PTCD1: variants seen among roughly 807,000 people sequenced by gnomAD.
PTCD1 encodes the protein pentatricopeptide repeat-containing protein 1, mitochondrial.
In PTCD1, 50 loss-of-function variants were observed where a neutral mutation model predicts 53.4. The observed-to-expected ratio is 0.94, with a 90% CI of 0.75 to 1.19. The LOEUF (loss-of-function observed/expected upper bound fraction) is 1.19. Among genes scored for constraint, PTCD1 ranks in the 50% most tolerant of loss-of-function variants. The pLI, the probability that PTCD1 is intolerant of heterozygous loss-of-function variation, is 0.00. For missense variants in PTCD1, 918 were observed against 904.8 expected, an observed-to-expected ratio of 1.01 and a Z score of -0.19; for synonymous variants, 413 against 394.8, an observed-to-expected ratio of 1.05 and a Z score of -0.55.
Position 99,417,067 on chromosome 7 carries a change from T to C in PTCD1, c.*2900A>G. ...TGTCCCGTTGCAATACTGAATGCCT[T>C]TTTTTTTTTGAGATGGAGTTTCGCT... On this transcript the variant is annotated 3_prime_UTR_variant, in exon 8 of 8. Coordinates refer to ENST00000292478, the MANE Select transcript of PTCD1 (RefSeq NM_015545.4). The C allele has an allele frequency of 4.5e-6, 1 of 222,678 alleles. No homozygotes were observed. Among genetic ancestry groups the C allele is most frequent in the South Asian group, 5.2e-5 (1 of 19,406 alleles). The allele number at this position is 222,678 out of a possible 1,614,324, so 13.8% of individuals were successfully genotyped here. A position where few individuals can be genotyped will look rare whatever the true frequency, so the allele number is the denominator to read the frequency against.
Position 99,417,588 on chromosome 7 carries a change from T to TG in PTCD1, c.*2378dup. 2 of 1,612,002 alleles carry TG rather than the reference T, an allele frequency of 1.2e-6. No homozygotes were observed. Among genetic ancestry groups the TG allele is most frequent in the Non-Finnish European group, 1.7e-6 (2 of 1,179,960 alleles). On this transcript the variant is annotated 3_prime_UTR_variant, in exon 8 of 8. Transcript: ENST00000292478. Reference sequence around the variant, plus strand: ...ATCTGCCGCGTGCCCAAAAGCAAGCTGGAAGTGGTAATGTCTGACACTCAA... The same window carrying TG: ...ATCTGCCGCGTGCCCAAAAGCAAGCTGGGAAGTGGTAATGTCTGACACTCAA...
At chr7:99,422,974 CCT>C (rs533328281) in intron 7 of PTCD1, among the ~76,000 whole-genome samples, 37 of 152,068 alleles carry the variant, frequency 2.4e-4, no homozygotes, top group African/African-American at 8.7e-4. Flanking sequence ...TTCTCTGGCA[CCT>C]CTCTCTGCAA....
At position 99,425,355 on chromosome 7, in the gene PTCD1, AAGGTTCC is replaced by A; in HGVS notation, c.1170_1176del (p.Glu391LeufsTer39). On this transcript the variant is annotated frameshift_variant, in exon 6 of 8. Coordinates refer to ENST00000292478, the MANE Select transcript of PTCD1 (RefSeq NM_015545.4). LOFTEE classifies it high-confidence loss of function. ...GGCTCTGGAGGCCCAAGTGCCTGAG[AAGGTTCC>A]AGAAACAGCTGCCTCTCCAGGGCCT... is the stretch of plus-strand genomic sequence containing the variant. 6.2e-7 allele frequency: 1 copy of A among 1,614,128 alleles called. No individual in the cohort carries two copies. The highest frequency in any genetic ancestry group is 8.5e-7 in the Non-Finnish European group (1 of 1,180,024).
Position 99,419,730 on chromosome 7 carries a change from A to C in PTCD1, c.*237T>G. On this transcript the variant is annotated 3_prime_UTR_variant, in exon 8 of 8. Transcript: ENST00000292478. Reference sequence around the variant, plus strand: ...GGTGTGTGAGGTGACACACAAAGGTAGCTGGAGCTGGAAGTCCCGTGAAGG... The same window carrying C: ...GGTGTGTGAGGTGACACACAAAGGTCGCTGGAGCTGGAAGTCCCGTGAAGG... The C allele has an allele frequency of 2.8e-6, 2 of 715,852 alleles. No homozygotes were observed. The allele number at this position is 715,852 out of a possible 1,614,324, so 44.3% of individuals were successfully genotyped here. A position where few individuals can be genotyped will look rare whatever the true frequency, so the allele number is the denominator to read the frequency against.
In PTCD1 at chr7:99,435,251, T is replaced by C. The variant is rs1796414256; in HGVS notation, c.-9A>G. 6.2e-7 allele frequency: 1 copy of C among 1,600,966 alleles called. No homozygotes were observed. Among genetic ancestry groups the C allele is most frequent in the Admixed American group, 1.7e-5 (1 of 60,002 alleles). On this transcript the variant is annotated 5_prime_UTR_variant, in exon 2 of 8. Coordinates refer to ENST00000292478, the MANE Select transcript of PTCD1 (RefSeq NM_015545.4). ...AGTCTCACGAAGTCCATTTCTGGCTTTCCTGTCCCTCCAGGGCCTGGAATA... is the reference window on the plus strand; with the variant it reads ...AGTCTCACGAAGTCCATTTCTGGCTCTCCTGTCCCTCCAGGGCCTGGAATA...
At chr7:99,429,550 C>T in intron 4 of PTCD1, 38 bp downstream of exon 4, 1 of 1,613,880 alleles carries the variant, frequency 6.2e-7, no homozygotes, top group Non-Finnish European at 8.5e-7. Flanking sequence ...GTGGGACCAG[C>T]CCCATGAAGG....
intron 5 of PTCD1, among the ~76,000 whole-genome samples, chr7:99,427,193 C>A (rs1796072451): frequency 1.3e-5 from 2 of 148,798 alleles, no homozygotes; most frequent in African/African-American, 4.9e-5. Flanking sequence ...TGGTCAGCCC[C>A]CTGCCCGGCC....
At position 99,424,740 on chromosome 7, in the gene PTCD1, C is replaced by CTGCA. The variant is rs1795951723; in HGVS notation, c.1737+51_1737+54dup. ...AGACCCCTCAAACTTTCCTCCTGAGCTGCAGAGTGCTCCTGAGCACCATGG... is the reference window on the plus strand; with the variant it reads ...AGACCCCTCAAACTTTCCTCCTGAGCTGCATGCAGAGTGCTCCTGAGCACCATGG... On this transcript the variant is annotated intron_variant, in intron 6 of 7. Transcript: ENST00000292478. 1.9e-6 allele frequency: 3 copies of CTGCA among 1,603,414 alleles called. No homozygotes were observed. In the Admixed American group the frequency reaches 5.2e-5, roughly 28 times the overall value.
At chr7:99,426,936 C>T (rs1796052207) in intron 5 of PTCD1, among the ~76,000 whole-genome samples, 1 of 151,300 alleles carries the variant, frequency 6.6e-6, no homozygotes. Context: ...GACCCTCTGC[C>T]TGGCAACCGC....
rs145795988 is a variant in PTCD1, at chr7:99,437,545, C to T, written c.-27+1147G>A. Among the ~76,000 whole-genome samples the T allele has an allele frequency of 4.7e-4, 71 of 152,216 alleles. 1 individual carries two copies. In the East Asian group the frequency reaches 9.1e-3, roughly 19 times the overall value. ...GTCTGGATCTTTTGACCTTGTGATCCGCCCGCCTCGGCCTCCCGAAGTGCT... is the reference window on the plus strand; with the variant it reads ...GTCTGGATCTTTTGACCTTGTGATCTGCCCGCCTCGGCCTCCCGAAGTGCT... On this transcript the variant is annotated intron_variant, in intron 1 of 7. Transcript: ENST00000292478.
chr7:99,431,626 A>C (rs1308347749), intron 3 of PTCD1, among the ~76,000 whole-genome samples: 2 of 151,966 alleles, frequency 1.3e-5, no homozygotes, highest in Non-Finnish European at 2.9e-5. Context: ...CTGTAGTCCC[A>C]GCTACTCGGG....
intron 7 of PTCD1, among the ~76,000 whole-genome samples, chr7:99,421,429 TAAAAAAAA>T (rs555898363): frequency 0.013 from 1,554 of 122,176 alleles, 21 homozygotes; most frequent in African/African-American, 0.043. Context: ...CCCGTCTCTT[TAAAAAAAA>T]AAAAAAAAAA....
chr7:99,433,084 A>T, intron 3 of PTCD1, 194 bp downstream of exon 3: 1 of 785,560 alleles, frequency 1.3e-6, no homozygotes, highest in Non-Finnish European at 2.1e-6. Flanking sequence ...GGACCGCCAC[A>T]GTCCAGGCAG....
At chr7:99,427,654 G>T (rs1276997106) in intron 5 of PTCD1, among the ~76,000 whole-genome samples, 1 of 150,994 alleles carries the variant, frequency 6.6e-6, no homozygotes, top group South Asian at 2.1e-4. Flanking sequence ...CGGTTTTGTG[G>T]AATAGAAAGG....
intron 3 of PTCD1, chr7:99,433,046 T>A (rs1796323405): frequency 1.6e-6 from 1 of 619,958 alleles, no homozygotes; most frequent in Admixed American, 2.8e-5. Context: ...CTCTGTTTTT[T>A]TTTGAAGGGA....
At chr7:99,437,494 AG>A (rs1341727927) in intron 1 of PTCD1, among the ~76,000 whole-genome samples, 4 of 151,940 alleles carry the variant, frequency 2.6e-5, no homozygotes, top group Non-Finnish European at 5.9e-5. Flanking sequence ...TAGTAGAGAC[AG>A]GGTTTCACCA....
chr7:99,435,843 G>A (rs1796445860), intron 1 of PTCD1, among the ~76,000 whole-genome samples: 1 of 151,248 alleles, frequency 6.6e-6, no homozygotes, highest in South Asian at 2.1e-4. Flanking sequence ...ACTGAGGTAG[G>A]AGAATCGCTT....
chr7:99,425,080 C>T lies in PTCD1; in HGVS notation c.1452G>A (p.Gln484=). 6.2e-7 allele frequency: 1 copy of T among 1,614,102 alleles called. No homozygotes were observed. Among genetic ancestry groups the T allele is most frequent in the Non-Finnish European group, 8.5e-7 (1 of 1,180,042 alleles). ...GTAGCGTGAGGGTCCTGATGTCGGG[C>T]TGCTGCCTGTGCTCTGCCATCTTGC... The part of the protein sequence containing the change: ...FLSKMAEHRQ[Q]PDIRTLTLLA... Residue 484 remains glutamine (Q), a synonymous_variant, in exon 6 of 8, where the codon CAG becomes CAA. Coordinates refer to ENST00000292478, the MANE Select transcript of PTCD1 (RefSeq NM_015545.4).
chr7:99,434,141 G>A (rs754163746), intron 2 of PTCD1, among the ~76,000 whole-genome samples: 1 of 151,944 alleles, frequency 6.6e-6, no homozygotes, highest in Non-Finnish European at 1.5e-5. Context: ...GATGACAGGT[G>A]GTACGAACAA....
Sources: gnomAD v4.1 joint callset for allele counts (sites outside exome capture counted in the v4.1 genomes callset) on GRCh38, gnomAD v4.1.1 for gene constraint, MANE v1.5 for transcripts, NCBI Gene and HGNC (gene_info 2026-07-23, HGNC 2026-07-21) for gene names.